The following ADRA1B variants were observed in gnomAD, a reference collection of about 807,000 sequenced individuals.
ADRA1B encodes alpha-1B adrenergic receptor.
Under a neutral mutation model 17.9 loss-of-function variants are expected in ADRA1B, and 17 were observed. The ratio of observed to expected loss-of-function variants is 0.95; its 90% confidence interval spans 0.65 to 1.42. ADRA1B has a LOEUF of 1.42. Among genes scored for constraint, ADRA1B ranks in the 40% most tolerant of loss-of-function variants. The pLI is 0.00. For missense variants in ADRA1B, 681 were observed against 722.1 expected (o/e 0.94, Z 0.65); for synonymous variants, 366 against 327.6 (o/e 1.12, Z -1.27).
At chr5:159,946,282 C>T (rs1391128127) in intron 1 of ADRA1B, among the ~76,000 whole-genome samples, 1 of 152,186 alleles carries the variant, frequency 6.6e-6, no homozygotes, top group Non-Finnish European at 1.5e-5. Context: ...CAGGATTTAT[C>T]CCACCTCATG....
In ADRA1B at chr5:159,916,712, G is replaced by GGCGA. The variant is rs2113143958; in HGVS notation, c.-185_-182dup. ...TCTCCTCCTCCTCCTCCCTCTGACA[G>GGCGA]GCGAGCGAGCGACTCGGTGCAGGCA... On this transcript the variant is annotated 5_prime_UTR_variant, in exon 1 of 2. Transcript: ENST00000306675. The GGCGA allele has an allele frequency of 1.7e-6, 1 of 576,496 alleles. No individual in the cohort carries two copies. The highest frequency in any genetic ancestry group is 2.9e-5 in the East Asian group (1 of 34,480). The allele number at this position is 576,496 out of a possible 1,614,324, so 35.7% of individuals were successfully genotyped here.
At chr5:159,984,833 T>TG in the ADRA1B span, among the ~76,000 whole-genome samples, 1 of 149,356 alleles carries the variant, frequency 6.7e-6, no homozygotes, top group Non-Finnish European at 1.5e-5. Context: ...TGCTTGAACC[T>TG]GGGGGGCAGA....
chr5:159,943,913 CACACACACACACACACACACACACACAA>C (rs1330812714), intron 1 of ADRA1B, among the ~76,000 whole-genome samples: 11 of 60,926 alleles, frequency 1.8e-4, no homozygotes, highest in Admixed American at 1.2e-3. Context: ...CTGTCTCTCT[CACACACACACACACACACACACACACAA>C]ACACACACAC....
chr5:159,881,908 G>A (rs1182705432), intron 1 of ADRA1B, among the ~76,000 whole-genome samples: 2 of 152,140 alleles, frequency 1.3e-5, no homozygotes, highest in African/African-American at 4.8e-5. Context: ...TGGAAAGCCT[G>A]ACTAGTGGCA....
At chr5:159,955,563 C>T (rs974269347) in intron 1 of ADRA1B, among the ~76,000 whole-genome samples, 1 of 152,186 alleles carries the variant, frequency 6.6e-6, no homozygotes, top group Non-Finnish European at 1.5e-5. Context: ...CTTGTAGAGC[C>T]TTTCATCCTA....
At chr5:159,875,827 A>C (rs1293093595) in intron 1 of ADRA1B, among the ~76,000 whole-genome samples, 2 of 152,184 alleles carry the variant, frequency 1.3e-5, no homozygotes, top group Non-Finnish European at 2.9e-5. Flanking sequence ...AACTGAGAAG[A>C]GGTTTCCCTG....
At chr5:159,883,054 G>T (rs1160245717) in intron 1 of ADRA1B, among the ~76,000 whole-genome samples, 1 of 152,158 alleles carries the variant, frequency 6.6e-6, no homozygotes, top group Non-Finnish European at 1.5e-5. Context: ...TGTGCCAGTT[G>T]CTGGTTCTAG....
rs1055188316 is a variant in ADRA1B, at chr5:159,916,521, C to G, written c.-385C>G. On this transcript the variant is annotated 5_prime_UTR_variant, in exon 1 of 2. Coordinates refer to ENST00000306675, the MANE Select transcript of ADRA1B (RefSeq NM_000679.4). ...CGGCTCATTGAAAGCAGACCCTCTT[C>G]GGCGCTCGCTGGGCGGAGGACGCGC... 6.1e-6 allele frequency: 1 copy of G among 165,194 alleles called. No homozygotes were observed. Among genetic ancestry groups the G allele is most frequent in the African/African-American group, 2.4e-5 (1 of 41,922 alleles). 10.2% of individuals were successfully genotyped at this position (165,194 alleles called of 1,614,324 possible).
chr5:159,940,698 A>G (rs1328243829), intron 1 of ADRA1B, among the ~76,000 whole-genome samples: 2 of 152,148 alleles, frequency 1.3e-5, no homozygotes, highest in Admixed American at 1.3e-4. Flanking sequence ...AAATGCATAC[A>G]CACACATGCA....
upstream of ADRA1B, among the ~76,000 whole-genome samples, chr5:159,914,804 A>G (rs770099423): frequency 5.3e-4 from 80 of 152,224 alleles, no homozygotes; most frequent in Non-Finnish European, 9.4e-4. Flanking sequence ...TCAAGTTATA[A>G]CAAGTATCAA....
intron 1 of ADRA1B, among the ~76,000 whole-genome samples, chr5:159,894,111 C>T (rs1367021164): frequency 6.6e-6 from 1 of 152,214 alleles, no homozygotes. Context: ...TGTTAGAAAC[C>T]CCCTCCCTAC....
intron 1 of ADRA1B, among the ~76,000 whole-genome samples, chr5:159,887,791 G>C (rs1404210969): frequency 2.0e-5 from 3 of 152,074 alleles, no homozygotes; most frequent in Non-Finnish European, 2.9e-5. Context: ...TCTGTGTAGA[G>C]GTGGAATATA....
chr5:159,954,393 A>G (rs891869809), intron 1 of ADRA1B, among the ~76,000 whole-genome samples: 1 of 152,138 alleles, frequency 6.6e-6, no homozygotes, highest in African/African-American at 2.4e-5. Flanking sequence ...TCTCTTTTAT[A>G]AGGGTATGAA....
intron 1 of ADRA1B, among the ~76,000 whole-genome samples, chr5:159,927,979 C>A (rs1399448757): frequency 6.6e-6 from 1 of 152,124 alleles, no homozygotes; most frequent in Non-Finnish European, 1.5e-5. Flanking sequence ...ATAAAGTGTT[C>A]ATTTATTTTA....
intron 1 of ADRA1B, chr5:159,947,711 T>G (rs1755315333): frequency 1.0e-6 from 1 of 985,322 alleles, no homozygotes; most frequent in African/African-American, 1.7e-5. Flanking sequence ...TCTTTAAGCT[T>G]GAAGACGTTG....
chr5:159,942,177 C>G (rs1303681243), intron 1 of ADRA1B, among the ~76,000 whole-genome samples: 1 of 152,096 alleles, frequency 6.6e-6, no homozygotes, highest in African/African-American at 2.4e-5. Flanking sequence ...CCGCCTCGGC[C>G]TCCCAAAGTG....
intron 1 of ADRA1B, among the ~76,000 whole-genome samples, chr5:159,969,928 ATTT>A (rs67558049): frequency 8.6e-5 from 13 of 151,240 alleles, no homozygotes; most frequent in Admixed American, 2.0e-4. Context: ...TATTAATTGC[ATTT>A]TTTTAAAAAA....
chr5:159,873,795 G>C (rs971093343), intron 1 of ADRA1B, among the ~76,000 whole-genome samples: 1 of 152,020 alleles, frequency 6.6e-6, no homozygotes, highest in Non-Finnish European at 1.5e-5. Flanking sequence ...AATTTTTCTG[G>C]TTAATTTAGA....
At chr5:159,928,105 G>A (rs1266764431) in intron 1 of ADRA1B, among the ~76,000 whole-genome samples, 3 of 152,218 alleles carry the variant, frequency 2.0e-5, no homozygotes, top group Non-Finnish European at 4.4e-5. Flanking sequence ...TTCAGCACAA[G>A]CTAAAAGGTG....
Sources: gnomAD v4.1 joint callset for allele counts (sites outside exome capture counted in the v4.1 genomes callset) on GRCh38, gnomAD v4.1.1 for gene constraint, MANE v1.5 for transcripts, NCBI Gene and HGNC (gene_info 2026-07-23, HGNC 2026-07-21) for gene names.